The following CWC25 variants were observed in gnomAD, a reference collection of about 807,000 sequenced individuals.
CWC25 encodes CWC25 spliceosome associated protein.
CWC25 carries 31 observed loss-of-function variants against 54.6 expected under a neutral mutation model. The observed-to-expected ratio is 0.57, with a 90% CI of 0.43 to 0.77. The LOEUF (loss-of-function observed/expected upper bound fraction) is 0.77, where lower values mean the gene tolerates loss of function less well. Among genes scored for constraint, CWC25 ranks in the 30% least tolerant of loss-of-function variants. The pLI is 0.00. For missense variants in CWC25, 453 were observed against 529.3 expected (o/e 0.86, Z 1.41); for synonymous variants, 151 against 187.0 (o/e 0.81, Z 1.57).
chr17:38,820,009 TAC>T (rs1324604278), intron 2 of CWC25, among the ~76,000 whole-genome samples: 10 of 152,152 alleles, frequency 6.6e-5, no homozygotes, highest in Admixed American at 3.3e-4. Flanking sequence ...GGGTTCCTAC[TAC>T]AGACTGGTCT....
chr17:38,808,954 A>C (rs1422313864), intron 6 of CWC25, among the ~76,000 whole-genome samples: 2 of 151,494 alleles, frequency 1.3e-5, no homozygotes, highest in East Asian at 3.9e-4. Context: ...CTCAAAAAAA[A>C]AAAAAAAAAA....
intron 8 of CWC25, among the ~76,000 whole-genome samples, chr17:38,804,799 CAAAAAAAAAAA>C (rs4042818): frequency 3.1e-5 from 2 of 64,766 alleles, no homozygotes; most frequent in African/African-American, 9.8e-5. Flanking sequence ...CAGAGCGAGA[CAAAAAAAAAAA>C]AAAAAAAAAA....
rs1912101279 is a variant in CWC25, at chr17:38,825,306, G to C, written c.-123C>G. The C allele has an allele frequency of 9.9e-7, 1 of 1,010,204 alleles. No homozygotes were observed. The highest frequency in any genetic ancestry group is 1.7e-5 in the South Asian group (1 of 60,182). 62.6% of individuals were successfully genotyped at this position (1,010,204 alleles called of 1,614,324 possible). ...TAGTCCCAGGAGCCGTCAACTGCCA[G>C]TTTCACCACCGCTCTAGAGGTCACT... On this transcript the variant is annotated 5_prime_UTR_variant, in exon 1 of 10. Coordinates refer to ENST00000614790, the MANE Select transcript of CWC25 (RefSeq NM_017748.5).
chr17:38,809,442 C>A (rs1454876162), intron 6 of CWC25, among the ~76,000 whole-genome samples: 244 of 137,312 alleles, frequency 1.8e-3, no homozygotes, highest in Middle Eastern at 3.9e-3. Context: ...AAAAAAAAAA[C>A]AAAAAAACCT....
At chr17:38,805,857 G>A (rs1240537331) in intron 8 of CWC25, among the ~76,000 whole-genome samples, 2 of 151,782 alleles carry the variant, frequency 1.3e-5, no homozygotes, top group African/African-American at 4.8e-5. Flanking sequence ...CTGTCGCCTG[G>A]GCTGCTGTGC....
intron 2 of CWC25, among the ~76,000 whole-genome samples, chr17:38,817,021 G>A (rs1055257598): frequency 6.6e-6 from 1 of 151,434 alleles, no homozygotes; most frequent in African/African-American, 2.4e-5. Flanking sequence ...AAAAAAATGA[G>A]TCTGAGAAAC....
chr17:38,817,593 C>T (rs1427968288), intron 2 of CWC25, among the ~76,000 whole-genome samples: 1 of 151,730 alleles, frequency 6.6e-6, no homozygotes, highest in Non-Finnish European at 1.5e-5. Flanking sequence ...CCAAGGCCAT[C>T]CAGGCCAACA....
rs779522003 is a variant in CWC25 at position 38,802,107 on chromosome 17, GTTC to G, written c.1260_1262del (p.Lys420del). The G allele has an allele frequency of 6.2e-7, 1 of 1,610,696 alleles. No homozygotes were observed. The highest frequency in any genetic ancestry group is 8.5e-7 in the Non-Finnish European group (1 of 1,177,074). ...GGGACAGTTTTCATCTTTTCATAAA[GTTC>G]TTCTCCAGAGCTACCGAAGTTCTCT... On this transcript the variant is annotated inframe_deletion, in exon 10 of 10. Coordinates refer to ENST00000614790, the MANE Select transcript of CWC25 (RefSeq NM_017748.5).
At chr17:38,805,070 GCACTC>G (rs1911177707) in intron 8 of CWC25, among the ~76,000 whole-genome samples, 1 of 150,908 alleles carries the variant, frequency 6.6e-6, no homozygotes, top group African/African-American at 2.4e-5. Flanking sequence ...TTGGGCCATT[GCACTC>G]CAGCCTGGGC....
intron 8 of CWC25, among the ~76,000 whole-genome samples, chr17:38,803,609 GAC>G (rs1911113066): frequency 6.6e-6 from 1 of 151,128 alleles, no homozygotes; most frequent in African/African-American, 2.4e-5. Context: ...CAGCCTGGGT[GAC>G]AGAGTGAGTC....
chr17:38,823,687 C>T (rs958225831), intron 1 of CWC25, among the ~76,000 whole-genome samples: 3 of 152,098 alleles, frequency 2.0e-5, no homozygotes, highest in Admixed American at 6.6e-5. Context: ...TCTGACCATC[C>T]GTCCATCCTT....
chr17:38,804,651 T>C (rs1237303178), intron 8 of CWC25, among the ~76,000 whole-genome samples: 1 of 146,134 alleles, frequency 6.8e-6, no homozygotes. Flanking sequence ...TACTAAAATA[T>C]ACAAAAATTA....
In CWC25 at chr17:38,820,419, T is replaced by A. The variant is rs145985009; in HGVS notation, c.191+482A>T. ...GAAGCAGGGTAAAATCTAGTGGCAT[T>A]GGCCGTAATCACTCAGCTTTTATTG... is the stretch of plus-strand genomic sequence containing the variant. On this transcript the variant is annotated intron_variant, in intron 2 of 9. Transcript: ENST00000614790. Among the ~76,000 whole-genome samples, 47 of 152,256 alleles carry A rather than the reference T, an allele frequency of 3.1e-4. 1 individual carries two copies. In the East Asian group the frequency reaches 6.4e-3, roughly 21 times the overall value.
rs201197581 is a variant in CWC25 at position 38,814,847 on chromosome 17, C to T, written c.428+14G>A. ...CATCTGTAACAAACCCCCTTCCTAG[C>T]CCCCCATTAGTACCTGATGATGAAG... On this transcript the variant is annotated intron_variant, in intron 3 of 9. Transcript: ENST00000614790. 1.1e-3 allele frequency: 1,765 copies of T among 1,596,948 alleles called. 3 individuals carry two copies. The highest frequency in any genetic ancestry group is 1.3e-3 in the Non-Finnish European group (1,567 of 1,166,772).
At chr17:38,805,758 C>G (rs1911211244) in intron 8 of CWC25, among the ~76,000 whole-genome samples, 3 of 152,098 alleles carry the variant, frequency 2.0e-5, no homozygotes, top group Admixed American at 6.5e-5. Flanking sequence ...CTTAGCCTCC[C>G]AAAGCGCTGA....
At chr17:38,807,895 A>G (rs2143555213) in intron 6 of CWC25, among the ~76,000 whole-genome samples, 1 of 137,810 alleles carries the variant, frequency 7.3e-6, no homozygotes, top group South Asian at 2.4e-4. Flanking sequence ...TGTCTCTACT[A>G]AAAATACAAA....
chr17:38,807,322 CAAAAAA>C (rs57710053), intron 6 of CWC25, among the ~76,000 whole-genome samples: 2 of 56,550 alleles, frequency 3.5e-5, no homozygotes, highest in South Asian at 6.4e-4. Flanking sequence ...GACTCCGTCT[CAAAAAA>C]AAAAAAAAAA....
chr17:38,809,257 G>T (rs190211637), intron 6 of CWC25, among the ~76,000 whole-genome samples: 2 of 151,264 alleles, frequency 1.3e-5, no homozygotes, highest in African/African-American at 4.9e-5. Flanking sequence ...ACGAAACCCT[G>T]TCTCTACTAA....
chr17:38,817,604 T>G (rs979889891), intron 2 of CWC25, among the ~76,000 whole-genome samples: 1 of 151,506 alleles, frequency 6.6e-6, no homozygotes, highest in African/African-American at 2.4e-5. Flanking sequence ...CAGGCCAACA[T>G]GGTGAAACCC....
Sources: gnomAD v4.1 joint callset for allele counts (sites outside exome capture counted in the v4.1 genomes callset) on GRCh38, gnomAD v4.1.1 for gene constraint, MANE v1.5 for transcripts, NCBI Gene and HGNC (gene_info 2026-07-23, HGNC 2026-07-21) for gene names.